Variants in TBC1D31 observed in about 807,000 individuals in gnomAD.
TBC1D31 encodes the protein TBC1 domain family member 31.
In TBC1D31, 99 loss-of-function variants were observed where a neutral mutation model predicts 132.9. That is an observed-to-expected ratio of 0.74 (90% CI 0.63 to 0.88). The LOEUF (loss-of-function observed/expected upper bound fraction) is 0.88. Ranked by LOEUF, TBC1D31 falls within the 40% of genes least tolerant of loss-of-function variation. The pLI is 0.00. For synonymous variants in TBC1D31, 385 were observed against 419.4 expected, an observed-to-expected ratio of 0.92 and a Z score of 1.00; for missense variants, 1,134 against 1,256.6, an observed-to-expected ratio of 0.90 and a Z score of 1.48.
intron 2 of TBC1D31, among the ~76,000 whole-genome samples, chr8:123,077,648 C>G (rs1331229033): frequency 6.6e-6 from 1 of 151,866 alleles, no homozygotes; most frequent in Non-Finnish European, 1.5e-5. Context: ...CGCACCCAGC[C>G]CATAGTTGCT....
rs1166812337 is a variant in TBC1D31 at position 123,100,894 on chromosome 8, G to T, written c.919G>T (p.Glu307Ter). 1 of 1,613,886 alleles carries T rather than the reference G, an allele frequency of 6.2e-7. No individual in the cohort carries two copies. Among genetic ancestry groups the T allele is most frequent in the Non-Finnish European group, 8.5e-7 (1 of 1,179,946 alleles). The change falls in exon 7 of 22, where the codon GAA (glutamate) becomes TAA (stop). Residue 307 changes from glutamate (E) to a stop codon, truncating the protein, a stop_gained. Coordinates refer to ENST00000287380, the MANE Select transcript of TBC1D31 (RefSeq NM_145647.4). LOFTEE classifies it high-confidence loss of function. ...KLLFEIGSLD[E>*]GISSSAISPH... ...TCTCTTTGAGATTGGGAGCCTCGAT[G>T]AAGGAATTAGCTCATCAGCAATTAG...
At position 123,140,804 on chromosome 8, in the gene TBC1D31, C is replaced by T; in HGVS notation, c.2543C>T (p.Ala848Val). 1 of 1,611,124 alleles carries T rather than the reference C, an allele frequency of 6.2e-7. No individual in the cohort carries two copies. Among genetic ancestry groups the T allele is most frequent in the Non-Finnish European group, 8.5e-7 (1 of 1,178,844 alleles). ...NQEALAKEMR[A>V]DADAYRRKVD... The stretch of plus-strand genomic sequence containing the variant: ...GAAGCTCTTGCAAAAGAAATGCGAG[C>T]AGATGCAGATGCCTATAGACGAAAA... Residue 848 changes from alanine to valine, a missense_variant, in exon 18 of 22, where the codon GCA becomes GTA. Coordinates refer to ENST00000287380, the MANE Select transcript of TBC1D31 (RefSeq NM_145647.4).
chr8:123,093,946 A>G (rs1219927037), intron 5 of TBC1D31, among the ~76,000 whole-genome samples: 1 of 152,032 alleles, frequency 6.6e-6, no homozygotes, highest in Non-Finnish European at 1.5e-5. Flanking sequence ...AACCCCTAAG[A>G]ATTTCTTCTT....
At chr8:123,130,173 C>A in intron 15 of TBC1D31, 25 bp from the exon 16 acceptor site, 1 of 1,592,870 alleles carries the variant, frequency 6.3e-7, no homozygotes, top group Non-Finnish European at 8.5e-7. Context: ...TGTATTTGTT[C>A]CACTTGATGT....
intron 4 of TBC1D31, among the ~76,000 whole-genome samples, chr8:123,090,621 G>A (rs1050361469): frequency 6.6e-6 from 1 of 152,052 alleles, no homozygotes; most frequent in African/African-American, 2.4e-5. Flanking sequence ...GCTAATATTA[G>A]TATCCTAAAC....
At chr8:123,136,966 G>A (rs1029230482) in intron 17 of TBC1D31, among the ~76,000 whole-genome samples, 3 of 152,134 alleles carry the variant, frequency 2.0e-5, no homozygotes, top group African/African-American at 7.2e-5. Flanking sequence ...TGTAGTGATT[G>A]CCACTTTACC....
chr8:123,151,087 C>G (rs1014782672), intron 21 of TBC1D31, among the ~76,000 whole-genome samples: 1 of 152,064 alleles, frequency 6.6e-6, no homozygotes, highest in African/African-American at 2.4e-5. Flanking sequence ...ATTCAAGAGT[C>G]AGATGAAGTA....
chr8:123,163,344 A>C, the TBC1D31 span, among the ~76,000 whole-genome samples: 2 of 150,266 alleles, frequency 1.3e-5, no homozygotes, highest in Non-Finnish European at 3.0e-5. Context: ...TATATGTAAC[A>C]CAAACTTTAT....
intron 8 of TBC1D31, 85 bp downstream of exon 8, chr8:123,105,549 T>C: frequency 9.0e-7 from 1 of 1,110,940 alleles, no homozygotes; most frequent in Non-Finnish European, 1.2e-6. Context: ...CTCTTCTCTC[T>C]CTTGGGAATT....
intron 5 of TBC1D31, among the ~76,000 whole-genome samples, chr8:123,095,009 T>C (rs761297252): frequency 2.0e-5 from 3 of 152,216 alleles, no homozygotes; most frequent in Non-Finnish European, 4.4e-5. Flanking sequence ...ATTCGTCTTT[T>C]TTTTTCCTTA....
At chr8:123,123,735 G>A (rs992573699) in intron 11 of TBC1D31, 1 of 152,250 alleles carries the variant, frequency 6.6e-6, no homozygotes, top group Non-Finnish European at 1.5e-5. Flanking sequence ...GCACTTAACA[G>A]TCCTGTACAC....
chr8:123,129,235 T>TAA lies in TBC1D31; in HGVS notation c.2270+25_2270+26dup. ...AAGACAGAGGTATGTGTTATCACTT[T>TAA]AAAAAAAAATCTGGACATATAAGTT... On this transcript the variant is annotated intron_variant, in intron 15 of 21. Coordinates refer to ENST00000287380, the MANE Select transcript of TBC1D31 (RefSeq NM_145647.4). 7.0e-7 allele frequency: 1 copy of TAA among 1,435,522 alleles called. No homozygotes were observed. Among genetic ancestry groups the TAA allele is most frequent in the Non-Finnish European group, 9.3e-7 (1 of 1,073,066 alleles). The allele number at this position is 1,435,522 out of a possible 1,614,324, so 88.9% of individuals were successfully genotyped here.
At chr8:123,089,608 T>C (rs1445750012) in intron 4 of TBC1D31, among the ~76,000 whole-genome samples, 3 of 152,186 alleles carry the variant, frequency 2.0e-5, no homozygotes, top group Non-Finnish European at 4.4e-5. Context: ...CTCAAGAGGC[T>C]GAGGCATAAG....
chr8:123,119,997 T>C (rs761484663), intron 10 of TBC1D31, 58 bp from the exon 11 acceptor site: 27 of 1,389,588 alleles, frequency 1.9e-5, no homozygotes, highest in Non-Finnish European at 2.5e-5. Flanking sequence ...CAAATTTTTA[T>C]CATGTGAAGA....
At chr8:123,082,060 A>G (rs1307914924) in intron 2 of TBC1D31, among the ~76,000 whole-genome samples, 1 of 152,178 alleles carries the variant, frequency 6.6e-6, no homozygotes, top group African/African-American at 2.4e-5. Flanking sequence ...AGACAGCATG[A>G]CTCTAGATGA....
intron 17 of TBC1D31, among the ~76,000 whole-genome samples, chr8:123,134,930 TACTC>T (rs1820941855): frequency 6.6e-6 from 1 of 152,246 alleles, no homozygotes; most frequent in Non-Finnish European, 1.5e-5. Flanking sequence ...GAGACAGTCT[TACTC>T]AGTTGCCCAG....
At chr8:123,077,079 A>G in intron 1 of TBC1D31, 32 bp from the exon 2 acceptor site, 2 of 1,553,198 alleles carry the variant, frequency 1.3e-6, no homozygotes, top group Non-Finnish European at 1.7e-6. Context: ...TACGTGACAT[A>G]GATTCAATGT....
chr8:123,086,320 C>T (rs1030088747), intron 4 of TBC1D31, among the ~76,000 whole-genome samples: 1 of 152,150 alleles, frequency 6.6e-6, no homozygotes, highest in Non-Finnish European at 1.5e-5. Flanking sequence ...TAAGAACTTT[C>T]CATACATTAT....
At position 123,109,544 on chromosome 8, in the gene TBC1D31, G is replaced by A. The variant is rs1818259528; in HGVS notation, c.1360G>A (p.Gly454Arg). The change falls in exon 10 of 22, where the codon GGG (glycine) becomes AGG (arginine). Residue 454 changes from glycine (G) to arginine (R), a missense_variant. Physicochemically the swap from Gly to Arg is moderately radical, Grantham distance 125. Transcript: ENST00000287380. The stretch of plus-strand genomic sequence containing the variant: ...TGCGTTTAGTACCCTCATAGATAAG[G>A]GGACTCATGTGGCATTTCTCAACCT... ...HTAFSTLIDK[G>R]THVAFLNLQK... The A allele has an allele frequency of 6.2e-7, 1 of 1,613,752 alleles. No individual in the cohort carries two copies. Among genetic ancestry groups the A allele is most frequent in the African/African-American group, 1.3e-5 (1 of 74,884 alleles).
Sources: allele counts gnomAD v4.1 joint callset (sites outside exome capture counted in the v4.1 genomes callset), GRCh38; gene constraint gnomAD v4.1.1; transcripts MANE v1.5; gene names NCBI Gene and HGNC (gene_info 2026-07-23, HGNC 2026-07-21).